The following HRK variants were observed in gnomAD, a reference collection of about 807,000 sequenced individuals.
The protein encoded by HRK is activator of apoptosis harakiri.
In HRK, 6 loss-of-function variants were observed where a neutral mutation model predicts 5.9. The observed-to-expected ratio is 1.02, with a 90% CI of 0.56 to 2.01. The LOEUF is 2.01. Among genes scored for constraint, HRK ranks in the 30% most tolerant of loss-of-function variants. HRK has a pLI of 0.00. For missense variants in HRK, 133 were observed against 128.3 expected, an observed-to-expected ratio of 1.04 and a Z score of -0.18; for synonymous variants, 85 against 65.1, an observed-to-expected ratio of 1.31 and a Z score of -1.47.
intron 1 of HRK, among the ~76,000 whole-genome samples, chr12:116,877,724 A>C (rs1313291356): frequency 6.6e-6 from 1 of 152,202 alleles, no homozygotes; most frequent in African/African-American, 2.4e-5. Flanking sequence ...GTGCCTATGC[A>C]CTAAGTCTGG....
At chr12:116,871,962 C>G (rs972219802) in intron 1 of HRK, among the ~76,000 whole-genome samples, 11 of 151,560 alleles carry the variant, frequency 7.3e-5, no homozygotes, top group Non-Finnish European at 1.3e-4. Context: ...TGTTGTCTGC[C>G]CAGGTTGGAG....
chr12:116,868,291 C>G (rs1020143289), intron 1 of HRK, among the ~76,000 whole-genome samples: 22 of 144,928 alleles, frequency 1.5e-4, no homozygotes, highest in African/African-American at 5.5e-4. Flanking sequence ...GAGAAAACCA[C>G]GCAGGTCAAA....
chr12:116,860,797 G>A lies in HRK; in HGVS notation c.*726C>T, dbSNP rs1459533721. ...CCAAGTCTGTCAACAGAATACCACA[G>A]CAGCACCAGCAGGAACGCACTTAGC... On this transcript the variant is annotated 3_prime_UTR_variant, in exon 2 of 2. Transcript: ENST00000257572. 3.3e-5 allele frequency: 5 copies of A among 151,652 alleles called. No homozygotes were observed. The highest frequency in any genetic ancestry group is 7.4e-5 in the Non-Finnish European group (5 of 68,012). 9.4% of individuals were successfully genotyped at this position (151,652 alleles called of 1,614,324 possible).
Position 116,881,189 on chromosome 12 carries a change from A to G in HRK, c.119T>C (p.Leu40Pro). The G allele has an allele frequency of 8.7e-7, 1 of 1,147,524 alleles. No homozygotes were observed. Among genetic ancestry groups the G allele is most frequent in the Non-Finnish European group, 1.1e-6 (1 of 935,362 alleles). 71.1% of individuals were successfully genotyped at this position (1,147,524 alleles called of 1,614,324 possible). A position where few individuals can be genotyped will look rare whatever the true frequency, so the allele number is the denominator to read the frequency against. Residue 40 changes from leucine (L) to proline (P), a missense_variant, in exon 1 of 2, where the codon CTA (leucine) becomes CCA (proline). Transcript: ENST00000257572. ...AQLTAARLKA[L>P]GDELHQRTMW... ...GGTGCGCTGGTGCAGCTCGTCGCCT[A>G]GCGCCTTGAGCCGGGCGGCGGTGAG...
intron 1 of HRK, among the ~76,000 whole-genome samples, chr12:116,865,552 T>TA (rs1878513542): frequency 6.6e-6 from 1 of 152,106 alleles, no homozygotes; most frequent in Non-Finnish European, 1.5e-5. Flanking sequence ...AAATAAAATT[T>TA]AAAAAATACC....
rs1878263851 is a variant in HRK, at chr12:116,859,089, T to A, written c.*2434A>T. ...TGGTCTCTAATAAAACAGGAGAATA[T>A]CTACAAGGGACTTGGCTGAGAAGCT... On this transcript the variant is annotated 3_prime_UTR_variant, in exon 2 of 2. Transcript: ENST00000257572. 1 of 152,104 alleles carries A rather than the reference T, an allele frequency of 6.6e-6. No individual in the cohort carries two copies. The highest frequency in any genetic ancestry group is 2.1e-4 in the South Asian group (1 of 4,830). The allele number at this position is 152,104 out of a possible 1,614,324, so 9.4% of individuals were successfully genotyped here. A position where few individuals can be genotyped will look rare whatever the true frequency, so the allele number is the denominator to read the frequency against.
intron 1 of HRK, among the ~76,000 whole-genome samples, chr12:116,865,924 G>A (rs926189781): frequency 3.9e-5 from 6 of 152,034 alleles, no homozygotes; most frequent in African/African-American, 1.4e-4. Context: ...TTGGGTGGCC[G>A]AGGCAGGTGG....
chr12:116,865,689 AGTAT>A (rs1878517914), intron 1 of HRK, among the ~76,000 whole-genome samples: 1 of 152,190 alleles, frequency 6.6e-6, no homozygotes, highest in Non-Finnish European at 1.5e-5. Context: ...AGAGGCAGCC[AGTAT>A]TACCGGCTGG....
In HRK at chr12:116,860,164, A is replaced by G. The variant is rs1469095704; in HGVS notation, c.*1359T>C. The stretch of plus-strand genomic sequence containing the variant: ...AAAATGGCAGTGTGTGGTATCCTGC[A>G]CAGAGGAAGAATACCTGCTTATGTT... On this transcript the variant is annotated 3_prime_UTR_variant, in exon 2 of 2. Transcript: ENST00000257572. The G allele has an allele frequency of 6.6e-6, 1 of 152,256 alleles. No individual in the cohort carries two copies. The highest frequency in any genetic ancestry group is 1.5e-5 in the Non-Finnish European group (1 of 68,052). The allele number at this position is 152,256 out of a possible 1,614,324, so 9.4% of individuals were successfully genotyped here. A position where few individuals can be genotyped will look rare whatever the true frequency, so the allele number is the denominator to read the frequency against.
rs1878256130 is a variant in HRK, at chr12:116,858,928, A to G, written c.*2595T>C. On this transcript the variant is annotated 3_prime_UTR_variant, in exon 2 of 2. Coordinates refer to ENST00000257572, the MANE Select transcript of HRK (RefSeq NM_003806.4). ...ATATATATCATGCTTCAATTTCCTA[A>G]TACAAATGTCCATCAAGAAGTCAAA... 6.6e-6 allele frequency: 1 copy of G among 152,272 alleles called. No individual in the cohort carries two copies. The highest frequency in any genetic ancestry group is 2.1e-4 in the South Asian group (1 of 4,826). The allele number at this position is 152,272 out of a possible 1,614,324, so 9.4% of individuals were successfully genotyped here. A position where few individuals can be genotyped will look rare whatever the true frequency, so the allele number is the denominator to read the frequency against.
At chr12:116,866,567 T>G (rs1235433348) in intron 1 of HRK, among the ~76,000 whole-genome samples, 1 of 151,814 alleles carries the variant, frequency 6.6e-6, no homozygotes, top group Non-Finnish European at 1.5e-5. Context: ...GATGGCTAGG[T>G]TGTGATGTGT....
intron 1 of HRK, among the ~76,000 whole-genome samples, chr12:116,865,101 T>C (rs1452856133): frequency 6.6e-6 from 1 of 152,186 alleles, no homozygotes; most frequent in Non-Finnish European, 1.5e-5. Context: ...AGTGATGTTG[T>C]GCCGCTTTGG....
intron 1 of HRK, chr12:116,876,771 C>T (rs1467102329): frequency 6.6e-6 from 1 of 152,432 alleles, no homozygotes; most frequent in Non-Finnish European, 1.5e-5. Context: ...TCCAGGCCTC[C>T]CCAGCCTCAG....
At chr12:116,866,027 G>A (rs576743394) in intron 1 of HRK, among the ~76,000 whole-genome samples, 117 of 151,660 alleles carry the variant, frequency 7.7e-4, no homozygotes, top group African/African-American at 2.7e-3. Flanking sequence ...GTGCGGTGGC[G>A]CACACCTGTA....
At chr12:116,870,058 C>T (rs1449312536) in intron 1 of HRK, among the ~76,000 whole-genome samples, 1 of 151,908 alleles carries the variant, frequency 6.6e-6, no homozygotes, top group African/African-American at 2.4e-5. Context: ...CCAGCCTGGG[C>T]AACAGAGTGA....
chr12:116,868,968 GT>G (rs34491902), intron 1 of HRK, among the ~76,000 whole-genome samples: 74,153 of 146,266 alleles, frequency 0.51, 21,709 homozygotes, highest in Admixed American at 0.66. Context: ...CTTCTTCTTC[GT>G]TTTTTTTTTT....
chr12:116,880,847 A>G, intron 1 of HRK, 129 bp downstream of exon 1: 3 of 352,912 alleles, frequency 8.5e-6, no homozygotes, highest in South Asian at 1.1e-4. Flanking sequence ...CTTGCAAGAG[A>G]AGAGAACGGA....
intron 1 of HRK, among the ~76,000 whole-genome samples, chr12:116,870,572 G>A (rs1878709974): frequency 6.6e-6 from 1 of 152,178 alleles, no homozygotes. Context: ...CAGCACTTTG[G>A]AAGGCTAAGG....
chr12:116,871,661 C>G (rs1370891539), intron 1 of HRK, among the ~76,000 whole-genome samples: 1 of 149,818 alleles, frequency 6.7e-6, no homozygotes, highest in Non-Finnish European at 1.5e-5. Context: ...GGGTCTTGCT[C>G]TGTCGCCCAG....
Sources: allele counts gnomAD v4.1 joint callset (sites outside exome capture counted in the v4.1 genomes callset), GRCh38; gene constraint gnomAD v4.1.1; transcripts MANE v1.5; gene names NCBI Gene and HGNC (gene_info 2026-07-23, HGNC 2026-07-21).